ADAMTS3: variants seen among roughly 807,000 people sequenced by gnomAD.
ADAMTS3 encodes the protein A disintegrin and metalloproteinase with thrombospondin motifs 3.
A neutral mutation model predicts 129.0 loss-of-function variants in ADAMTS3; 73 were observed. The ratio of observed to expected loss-of-function variants is 0.57; its 90% CI spans 0.47 to 0.69. The LOEUF is 0.69. ADAMTS3 is among the 30% of genes least tolerant of loss of function. The probability of loss-of-function intolerance (pLI) is 0.00; values close to 1 mark genes in which losing one functional copy is unlikely to be tolerated. For synonymous variants in ADAMTS3, 477 were observed against 510.8 expected, an observed-to-expected ratio of 0.93 and a Z score of 0.89; for missense variants, 1,457 against 1,514.5, an observed-to-expected ratio of 0.96 and a Z score of 0.63.
At chr4:72,560,314 T>G (rs1208856686) in intron 2 of ADAMTS3, among the ~76,000 whole-genome samples, 1 of 151,396 alleles carries the variant, frequency 6.6e-6, no homozygotes, top group Non-Finnish European at 1.5e-5. Context: ...ACAAAATCAC[T>G]GAAAGCAATT....
Position 72,569,080 on chromosome 4 carries a change from A to C in ADAMTS3, c.-318T>G. The C allele has an allele frequency of 3.9e-5, 15 of 386,134 alleles. No individual in the cohort carries two copies. The highest frequency in any genetic ancestry group is 5.0e-5 in the East Asian group (1 of 19,890). 23.9% of individuals were successfully genotyped at this position (386,134 alleles called of 1,614,324 possible). On this transcript the variant is annotated 5_prime_UTR_variant, in exon 1 of 22. The change abolishes the stop of an existing upstream ORF in the 5' untranslated region. Coordinates refer to ENST00000286657, the MANE Select transcript of ADAMTS3 (RefSeq NM_014243.3). ...GGAAGGGACGAGGGGCTTTCCAACT[A>C]TCTCTGCCCAAAGCAGCTTTTTCGA...
At chr4:72,390,688 G>A (rs1448712730) in intron 4 of ADAMTS3, among the ~76,000 whole-genome samples, 1 of 152,094 alleles carries the variant, frequency 6.6e-6, no homozygotes, top group East Asian at 1.9e-4. Flanking sequence ...ATTAAGAGAA[G>A]GCTTCAGTAG....
At chr4:72,509,844 T>C (rs1300255064) in intron 3 of ADAMTS3, among the ~76,000 whole-genome samples, 1 of 151,100 alleles carries the variant, frequency 6.6e-6, no homozygotes, top group African/African-American at 2.4e-5. Flanking sequence ...GTCTGATGGA[T>C]ACTGACACAA....
chr4:72,506,557 A>T (rs561155880), intron 3 of ADAMTS3, among the ~76,000 whole-genome samples: 6 of 152,162 alleles, frequency 3.9e-5, no homozygotes, highest in Non-Finnish European at 7.3e-5. Flanking sequence ...TTTTATATGA[A>T]CTCAGGTTAA....
chr4:72,376,078 C>T lies in ADAMTS3; in HGVS notation c.662-36385G>A, dbSNP rs560909058. 1.4e-4 allele frequency among the ~76,000 whole-genome samples: 22 copies of T among 152,264 alleles called. No individual in the cohort carries two copies. In the South Asian group the frequency reaches 1.4e-3, roughly 10 times the overall value. Reference sequence around the variant, plus strand: ...TCAAAAGAGGACCACCAGGTAGTTGCAAATTCTCAAATACACGTGCAGATT... The same window carrying T: ...TCAAAAGAGGACCACCAGGTAGTTGTAAATTCTCAAATACACGTGCAGATT... On this transcript the variant is annotated intron_variant, in intron 4 of 21. Coordinates refer to ENST00000286657, the MANE Select transcript of ADAMTS3 (RefSeq NM_014243.3).
At chr4:72,545,743 AG>A (rs905043983) in intron 3 of ADAMTS3, among the ~76,000 whole-genome samples, 1 of 152,184 alleles carries the variant, frequency 6.6e-6, no homozygotes, top group African/African-American at 2.4e-5. Context: ...CATCTTCCAC[AG>A]GAGGAATAGG....
chr4:72,355,586 C>T (rs966139087), intron 4 of ADAMTS3, among the ~76,000 whole-genome samples: 1 of 151,860 alleles, frequency 6.6e-6, no homozygotes, highest in Admixed American at 6.6e-5. Context: ...AGTTGGTTTG[C>T]CCTCTGCCAT....
At chr4:72,341,705 G>A (rs1560479532) in intron 4 of ADAMTS3, among the ~76,000 whole-genome samples, 1 of 152,188 alleles carries the variant, frequency 6.6e-6, no homozygotes, top group African/African-American at 2.4e-5. Context: ...TTATTTCAGA[G>A]AGGCAGTTCA....
At chr4:72,539,470 C>T (rs1473566047) in intron 3 of ADAMTS3, among the ~76,000 whole-genome samples, 1 of 139,830 alleles carries the variant, frequency 7.2e-6, no homozygotes, top group African/African-American at 2.7e-5. Context: ...CACCTCCCAA[C>T]CTTTAGGATG....
intron 3 of ADAMTS3, among the ~76,000 whole-genome samples, chr4:72,516,540 G>A (rs148135258): frequency 0.011 from 1,683 of 152,190 alleles, 39 homozygotes; most frequent in African/African-American, 0.039. Context: ...TCTCCTTGAA[G>A]AGGTCCTTCA....
chr4:72,460,676 G>C (rs983740675), intron 3 of ADAMTS3, among the ~76,000 whole-genome samples: 2 of 151,440 alleles, frequency 1.3e-5, no homozygotes, highest in Non-Finnish European at 3.0e-5. Context: ...GGGAATACTT[G>C]TAGCTACAAT....
chr4:72,430,041 G>A (rs1051456183), intron 3 of ADAMTS3, among the ~76,000 whole-genome samples: 1 of 151,984 alleles, frequency 6.6e-6, no homozygotes, highest in African/African-American at 2.4e-5. Flanking sequence ...CAGGGCATTT[G>A]AACCCTATTG....
In ADAMTS3 at chr4:72,417,931, T is replaced by TTAAAAAAAAAAAAAAAAAAAA. The variant is rs76545577; in HGVS notation, c.505-2961_505-2960insTTTTTTTTTTTTTTTTTTTTA. Among the ~76,000 whole-genome samples the TTAAAAAAAAAAAAAAAAAAAA allele has an allele frequency of 3.0e-4, 30 of 100,664 alleles. 2 individuals are homozygous for TTAAAAAAAAAAAAAAAAAAAA. The highest frequency in any genetic ancestry group is 7.8e-4 in the African/African-American group (21 of 26,790). 66.0% of individuals were successfully genotyped at this position (100,664 alleles called of 152,430 possible). ...CTGGGCGACAGAGGGAGACTCCATCTCAAAAAAAAAAAAGTAAGTACTTTA... is the reference window on the plus strand; with the variant it reads ...CTGGGCGACAGAGGGAGACTCCATCTTAAAAAAAAAAAAAAAAAAAACAAAAAAAAAAAAGTAAGTACTTTA... On this transcript the variant is annotated intron_variant, in intron 3 of 21. Coordinates refer to ENST00000286657, the MANE Select transcript of ADAMTS3 (RefSeq NM_014243.3).
chr4:72,480,628 T>A (rs539268656), intron 3 of ADAMTS3, among the ~76,000 whole-genome samples: 1 of 151,650 alleles, frequency 6.6e-6, no homozygotes, highest in Non-Finnish European at 1.5e-5. Flanking sequence ...CACACCAGCA[T>A]GGCACATGTA....
chr4:72,553,743 C>T (rs1333513797), intron 2 of ADAMTS3, among the ~76,000 whole-genome samples: 1 of 152,196 alleles, frequency 6.6e-6, no homozygotes, highest in Non-Finnish European at 1.5e-5. Context: ...GGTACATGTT[C>T]TCTTCCACTC....
intron 5 of ADAMTS3, among the ~76,000 whole-genome samples, chr4:72,337,628 T>C (rs1720024244): frequency 6.6e-6 from 1 of 152,116 alleles, no homozygotes; most frequent in Non-Finnish European, 1.5e-5. Context: ...CAACTAGTAG[T>C]ATGACTAAAA....
chr4:72,391,420 A>G (rs545538014), intron 4 of ADAMTS3, among the ~76,000 whole-genome samples: 3 of 152,268 alleles, frequency 2.0e-5, no homozygotes, highest in South Asian at 4.1e-4. Flanking sequence ...ACTGAAGATA[A>G]AGCTTAGCAG....
intron 4 of ADAMTS3, among the ~76,000 whole-genome samples, chr4:72,410,028 T>C (rs951821948): frequency 1.3e-5 from 2 of 152,152 alleles, no homozygotes; most frequent in Non-Finnish European, 2.9e-5. Flanking sequence ...CTTCATTTAC[T>C]AAAAAATGTC....
Position 72,351,556 on chromosome 4 carries a change from C to CAA in ADAMTS3, c.662-11865_662-11864dup, listed in dbSNP as rs34564265. 1.0e-3 allele frequency among the ~76,000 whole-genome samples: 131 copies of CAA among 124,930 alleles called. 2 individuals carry two copies. Among genetic ancestry groups the CAA allele is most frequent in the South Asian group, 6.8e-3 (29 of 4,294 alleles). 82.0% of individuals were successfully genotyped at this position (124,930 alleles called of 152,430 possible). A position where few individuals can be genotyped will look rare whatever the true frequency, so the allele number is the denominator to read the frequency against. On this transcript the variant is annotated intron_variant, in intron 4 of 21. Coordinates refer to ENST00000286657, the MANE Select transcript of ADAMTS3 (RefSeq NM_014243.3). ...GGTTGAGTAGCATTTAGGAAATTTCCAAAAAAAAAAAAAATCACCTTTCTC... is the reference window on the plus strand; with the variant it reads ...GGTTGAGTAGCATTTAGGAAATTTCCAAAAAAAAAAAAAAAATCACCTTTCTC...
Sources: gnomAD v4.1 joint callset for allele counts (sites outside exome capture counted in the v4.1 genomes callset) on GRCh38, gnomAD v4.1.1 for gene constraint, MANE v1.5 for transcripts, NCBI Gene and HGNC (gene_info 2026-07-23, HGNC 2026-07-21) for gene names.